Variants in AFF3 observed in about 807,000 individuals in gnomAD.
AFF3 encodes ALF transcription elongation factor 3.
Under a neutral mutation model 129.7 loss-of-function variants are expected in AFF3, and 32 were observed. The ratio of observed to expected loss-of-function variants is 0.25; its 90% CI spans 0.19 to 0.33. The LOEUF (loss-of-function observed/expected upper bound fraction) is 0.33. AFF3 is among the 10% of genes least tolerant of loss of function. The pLI, the probability that AFF3 is intolerant of heterozygous loss-of-function variation, is 1.00. For synonymous variants in AFF3, 644 were observed against 635.4 expected (o/e 1.01, Z -0.20); for missense variants, 1,373 against 1,592.0 (o/e 0.86, Z 2.34).
chr2:99,716,664 C>G (rs1678419637), intron 11 of AFF3, among the ~76,000 whole-genome samples: 1 of 151,896 alleles, frequency 6.6e-6, no homozygotes, highest in Non-Finnish European at 1.5e-5. Flanking sequence ...GGGCGGATCA[C>G]TAGATCAGGA....
At chr2:99,921,974 C>G (rs1695885204) in intron 7 of AFF3, among the ~76,000 whole-genome samples, 1 of 152,206 alleles carries the variant, frequency 6.6e-6, no homozygotes, top group Non-Finnish European at 1.5e-5. Flanking sequence ...CAACATCTTT[C>G]CTATGTAGGA....
At chr2:99,935,687 T>C (rs1290040638) in intron 7 of AFF3, among the ~76,000 whole-genome samples, 3 of 152,228 alleles carry the variant, frequency 2.0e-5, no homozygotes, top group Non-Finnish European at 4.4e-5. Flanking sequence ...ACCCCATAAA[T>C]AGACCATATC....
At chr2:99,822,191 G>A (rs967382726) in intron 8 of AFF3, among the ~76,000 whole-genome samples, 7 of 151,870 alleles carry the variant, frequency 4.6e-5, no homozygotes, top group African/African-American at 7.3e-5. Flanking sequence ...ATATCCCTGC[G>A]CCTCAAAGAA....
intron 8 of AFF3, among the ~76,000 whole-genome samples, chr2:99,816,417 T>G (rs1687238635): frequency 6.6e-6 from 1 of 152,216 alleles, no homozygotes; most frequent in Non-Finnish European, 1.5e-5. Context: ...AATTTTTTGT[T>G]GAAAGCCAAA....
chr2:99,618,931 G>T (rs1681722639), intron 13 of AFF3, among the ~76,000 whole-genome samples: 2 of 91,882 alleles, frequency 2.2e-5, no homozygotes, highest in African/African-American at 8.9e-5. Context: ...CATTCATTCA[G>T]AGACAGGGGC....
At chr2:99,821,396 G>A (rs950838466) in intron 8 of AFF3, among the ~76,000 whole-genome samples, 6 of 151,892 alleles carry the variant, frequency 4.0e-5, no homozygotes, top group Non-Finnish European at 7.4e-5. Context: ...GCTTCCCTGG[G>A]TATACTGGAA....
chr2:100,018,402 G>A (rs900880012), intron 4 of AFF3, among the ~76,000 whole-genome samples: 1 of 152,028 alleles, frequency 6.6e-6, no homozygotes, highest in Non-Finnish European at 1.5e-5. Flanking sequence ...AATCTCTCTC[G>A]TAAATATACT....
At chr2:99,586,948 G>A (rs1377243572) in intron 16 of AFF3, among the ~76,000 whole-genome samples, 1 of 152,114 alleles carries the variant, frequency 6.6e-6, no homozygotes, top group Non-Finnish European at 1.5e-5. Flanking sequence ...TGGTTATGGA[G>A]AAGAACCTTG....
intron 1 of AFF3, among the ~76,000 whole-genome samples, chr2:100,135,798 A>G (rs982656346): frequency 6.6e-6 from 1 of 152,222 alleles, no homozygotes; most frequent in African/African-American, 2.4e-5. Context: ...CTCTGCGCTA[A>G]GAACAGTGTG....
At chr2:100,077,874 A>C (rs1391778591) in intron 4 of AFF3, among the ~76,000 whole-genome samples, 1 of 152,136 alleles carries the variant, frequency 6.6e-6, no homozygotes, top group Non-Finnish European at 1.5e-5. Context: ...GGAAAGAAAA[A>C]AAAGAAAAAA....
chr2:99,664,469 T>C (rs1252192188), intron 12 of AFF3, among the ~76,000 whole-genome samples: 1 of 152,236 alleles, frequency 6.6e-6, no homozygotes, highest in East Asian at 1.9e-4. Context: ...CAATATAGCT[T>C]GATGTAAGCA....
At chr2:99,727,176 T>A (rs1186945085) in intron 10 of AFF3, 48 bp from the exon 11 acceptor site, 1 of 1,491,672 alleles carries the variant, frequency 6.7e-7, no homozygotes, top group Non-Finnish European at 9.2e-7. Flanking sequence ...TCTTACAGTC[T>A]TTAAGATTTA....
At chr2:99,839,856 C>T (rs566325800) in intron 7 of AFF3, among the ~76,000 whole-genome samples, 32 of 152,002 alleles carry the variant, frequency 2.1e-4, no homozygotes, top group East Asian at 1.5e-3. Flanking sequence ...GTGATCTGTC[C>T]GCCTCAGCCT....
intron 13 of AFF3, among the ~76,000 whole-genome samples, chr2:99,647,702 A>C (rs1047871116): frequency 2.6e-5 from 4 of 152,258 alleles, no homozygotes; most frequent in African/African-American, 9.6e-5. Flanking sequence ...AGGTAGCTTT[A>C]CACAACTGCA....
chr2:99,918,230 A>C (rs1007650110), intron 7 of AFF3, among the ~76,000 whole-genome samples: 2 of 152,188 alleles, frequency 1.3e-5, no homozygotes, highest in East Asian at 3.8e-4. Context: ...GGTAACTCAG[A>C]AGTCATAAAG....
At chr2:100,071,510 T>C (rs1372724797) in intron 4 of AFF3, among the ~76,000 whole-genome samples, 3 of 152,148 alleles carry the variant, frequency 2.0e-5, no homozygotes, top group Admixed American at 6.5e-5. Context: ...AGCATCCACT[T>C]TACCCACGAA....
At chr2:99,690,233 T>C (rs1675487076) in intron 11 of AFF3, among the ~76,000 whole-genome samples, 1 of 147,508 alleles carries the variant, frequency 6.8e-6, no homozygotes, top group South Asian at 2.2e-4. Context: ...CAGGCTGGAG[T>C]GCAGTGGCGC....
At position 99,775,471 on chromosome 2, in the gene AFF3, T is replaced by A. The variant is rs898122803; in HGVS notation, c.922-23170A>T. Reference sequence around the variant, plus strand: ...AACACAGGAACAGAAAACCAAATACTGCATGTTCTCACTTATAAGTGGGAG... The same window carrying A: ...AACACAGGAACAGAAAACCAAATACAGCATGTTCTCACTTATAAGTGGGAG... On this transcript the variant is annotated intron_variant, in intron 8 of 24. Transcript: ENST00000672756. Among the ~76,000 whole-genome samples the A allele has an allele frequency of 1.3e-5, 2 of 152,106 alleles. 1 individual carries two copies. The highest frequency in any genetic ancestry group is 2.9e-5 in the Non-Finnish European group (2 of 68,018).
intron 8 of AFF3, among the ~76,000 whole-genome samples, chr2:99,766,450 A>G (rs1683030355): frequency 6.6e-6 from 1 of 152,228 alleles, no homozygotes; most frequent in Non-Finnish European, 1.5e-5. Context: ...GGATGACTTT[A>G]TAGGAAACAG....
Sources: allele counts gnomAD v4.1 joint callset (sites outside exome capture counted in the v4.1 genomes callset), GRCh38; gene constraint gnomAD v4.1.1; transcripts MANE v1.5; gene names NCBI Gene and HGNC (gene_info 2026-07-23, HGNC 2026-07-21).